The following CFDP1 variants were observed in gnomAD, a reference collection of about 807,000 sequenced individuals.
CFDP1 encodes the protein heterochromatin-stabilizing protein CFDP1.
In CFDP1, 31 loss-of-function variants were observed where a neutral mutation model predicts 40.1. The observed-to-expected ratio is 0.77, with a 90% CI of 0.58 to 1.04. The LOEUF (loss-of-function observed/expected upper bound fraction) is 1.04, where lower values mean the gene tolerates loss of function less well. CFDP1 is among the 50% of genes least tolerant of loss of function. The pLI, the probability that CFDP1 is intolerant of heterozygous loss-of-function variation, is 0.00. For missense variants in CFDP1, 423 were observed against 343.4 expected (o/e 1.23, Z -1.83); for synonymous variants, 167 against 120.0 (o/e 1.39, Z -2.56).
intron 5 of CFDP1, among the ~76,000 whole-genome samples, chr16:75,348,043 C>T (rs937542637): frequency 2.0e-5 from 3 of 152,196 alleles, no homozygotes; most frequent in Non-Finnish European, 4.4e-5. Flanking sequence ...GGTCCTGGAA[C>T]ACAAACGGTT....
intron 5 of CFDP1, among the ~76,000 whole-genome samples, chr16:75,317,580 G>A (rs918060771): frequency 6.6e-6 from 1 of 152,198 alleles, no homozygotes; most frequent in Non-Finnish European, 1.5e-5. Context: ...CACAGCTGGG[G>A]AGAATAATTT....
At chr16:75,353,657 G>A (rs916064929) in intron 5 of CFDP1, among the ~76,000 whole-genome samples, 6 of 147,730 alleles carry the variant, frequency 4.1e-5, no homozygotes, top group Non-Finnish European at 7.4e-5. Context: ...GCTGAGGCAG[G>A]AGAATGGCAT....
intron 5 of CFDP1, among the ~76,000 whole-genome samples, chr16:75,378,101 G>A (rs775279638): frequency 2.9e-4 from 44 of 152,252 alleles, no homozygotes; most frequent in Non-Finnish European, 4.0e-4. Context: ...CTTCCTTTCT[G>A]ACTGGAAAAC....
intron 4 of CFDP1, among the ~76,000 whole-genome samples, chr16:75,410,492 G>A (rs1158566439): frequency 2.6e-5 from 4 of 152,098 alleles, no homozygotes; most frequent in Non-Finnish European, 1.5e-5. Context: ...ATAATATTGA[G>A]GCCGGGGACA....
intron 5 of CFDP1, among the ~76,000 whole-genome samples, chr16:75,373,562 A>T (rs181853290): frequency 6.6e-6 from 1 of 152,304 alleles, no homozygotes; most frequent in East Asian, 1.9e-4. Flanking sequence ...TGTGTAACTA[A>T]TCATGAACAA....
chr16:75,299,088 G>A (rs373053439), intron 6 of CFDP1, among the ~76,000 whole-genome samples: 12 of 152,114 alleles, frequency 7.9e-5, no homozygotes, highest in African/African-American at 2.9e-4. Context: ...AGAAATCTGT[G>A]TAATGGGTTA....
chr16:75,406,233 AGGCATGGGT>A (rs1333919806), intron 4 of CFDP1, among the ~76,000 whole-genome samples: 1 of 152,024 alleles, frequency 6.6e-6, no homozygotes, highest in Non-Finnish European at 1.5e-5. Context: ...CGAATTAGCT[AGGCATGGGT>A]GACCAATGCC....
chr16:75,336,995 T>C (rs112946965), intron 5 of CFDP1, among the ~76,000 whole-genome samples: 124 of 152,366 alleles, frequency 8.1e-4, no homozygotes, highest in African/African-American at 2.8e-3. Context: ...ATCTGCACCT[T>C]GTTTGGCTCT....
chr16:75,316,136 C>A (rs552217290), intron 5 of CFDP1, among the ~76,000 whole-genome samples: 1 of 152,260 alleles, frequency 6.6e-6, no homozygotes, highest in South Asian at 2.1e-4. Flanking sequence ...AGGTTGGGCA[C>A]TTCTTACTGC....
At chr16:75,366,502 A>AGT (rs540534964) in intron 5 of CFDP1, among the ~76,000 whole-genome samples, 1 of 152,118 alleles carries the variant, frequency 6.6e-6, no homozygotes, top group Non-Finnish European at 1.5e-5. Flanking sequence ...ACACGCCTGT[A>AGT]ATCCCAGCTA....
intron 4 of CFDP1, 136 bp downstream of exon 4, chr16:75,411,689 A>G (rs2079163996): frequency 2.4e-6 from 2 of 844,528 alleles, no homozygotes; most frequent in South Asian, 1.6e-5. Flanking sequence ...TTATAGAGCC[A>G]GTTTTCCTTG....
chr16:75,294,053 A>G lies in CFDP1; in HGVS notation c.810-11T>C. ...TTCCGTTCAATGTACCTAGAAGATG[A>G]AAACAGTGTTTGTCAGTAGAATCCA... On this transcript the variant is annotated splice_polypyrimidine_tract_variant and intron_variant, in intron 6 of 6. Transcript: ENST00000283882. 6.2e-7 allele frequency: 1 copy of G among 1,604,518 alleles called. No homozygotes were observed. Among genetic ancestry groups the G allele is most frequent in the Non-Finnish European group, 8.5e-7 (1 of 1,171,300 alleles).
At chr16:75,394,064 A>C (rs938672190) in intron 5 of CFDP1, among the ~76,000 whole-genome samples, 1 of 152,156 alleles carries the variant, frequency 6.6e-6, no homozygotes, top group Non-Finnish European at 1.5e-5. Flanking sequence ...CAAAAAAAAA[A>C]TGTGAAACAA....
At position 75,294,045 on chromosome 16, in the gene CFDP1, A is replaced by G. The variant is rs1031034479; in HGVS notation, c.810-3T>C. On this transcript the variant is annotated splice_polypyrimidine_tract_variant and splice_region_variant and intron_variant, in intron 6 of 6. Coordinates refer to ENST00000283882, the MANE Select transcript of CFDP1 (RefSeq NM_006324.3). ...GGAAGGCTTTCCGTTCAATGTACCT[A>G]GAAGATGAAAACAGTGTTTGTCAGT... 3 of 1,609,752 alleles carry G rather than the reference A, an allele frequency of 1.9e-6. No homozygotes were observed. The highest frequency in any genetic ancestry group is 2.2e-5 in the South Asian group (2 of 91,008).
chr16:75,356,702 T>C (rs764232703), intron 5 of CFDP1, among the ~76,000 whole-genome samples: 6 of 152,126 alleles, frequency 3.9e-5, no homozygotes, highest in Non-Finnish European at 8.8e-5. Flanking sequence ...CTAGATGGCA[T>C]CTTCTTCCAA....
intron 5 of CFDP1, among the ~76,000 whole-genome samples, chr16:75,346,345 A>G (rs897652194): frequency 6.6e-6 from 1 of 152,160 alleles, no homozygotes; most frequent in Admixed American, 6.5e-5. Context: ...GCACTTTGGC[A>G]GGCCGAGGCA....
intron 1 of CFDP1, among the ~76,000 whole-genome samples, chr16:75,425,957 A>G (rs2151602149): frequency 7.1e-6 from 1 of 141,262 alleles, no homozygotes; most frequent in South Asian, 2.3e-4. Context: ...AATCGCTTGA[A>G]CCTGGGAGGC....
intron 5 of CFDP1, among the ~76,000 whole-genome samples, chr16:75,356,793 T>C (rs1380522219): frequency 6.6e-6 from 1 of 152,232 alleles, no homozygotes; most frequent in Non-Finnish European, 1.5e-5. Flanking sequence ...TGTTGTTTAG[T>C]GTAGCCACCT....
At chr16:75,428,943 C>T (rs1041350447) in intron 1 of CFDP1, among the ~76,000 whole-genome samples, 1 of 151,468 alleles carries the variant, frequency 6.6e-6, no homozygotes, top group South Asian at 2.1e-4. Flanking sequence ...GGTGAAATCC[C>T]GTCTCTACTA....
Sources: allele counts gnomAD v4.1 joint callset (sites outside exome capture counted in the v4.1 genomes callset), GRCh38; gene constraint gnomAD v4.1.1; transcripts MANE v1.5; gene names NCBI Gene and HGNC (gene_info 2026-07-23, HGNC 2026-07-21).